TBC1D5: variants seen among roughly 807,000 people sequenced by gnomAD.
TBC1D5 encodes TBC1 domain family, member 5.
A neutral mutation model predicts 100.3 loss-of-function variants in TBC1D5; 75 were observed. That is an observed-to-expected ratio of 0.75 (90% CI 0.62 to 0.91). TBC1D5 has a LOEUF of 0.91. TBC1D5 is among the 40% of genes least tolerant of loss of function. TBC1D5 has a pLI of 0.00. For synonymous variants in TBC1D5, 323 were observed against 325.6 expected (o/e 0.99, Z 0.09); for missense variants, 910 against 942.4 (o/e 0.97, Z 0.45).
At chr3:17,336,264 T>C (rs1408397639) in intron 13 of TBC1D5, among the ~76,000 whole-genome samples, 2 of 152,020 alleles carry the variant, frequency 1.3e-5, no homozygotes, top group Non-Finnish European at 2.9e-5. Context: ...GCAAAAAATA[T>C]GGCCTAGAAA....
At chr3:17,379,814 C>T (rs2092860736) in intron 9 of TBC1D5, among the ~76,000 whole-genome samples, 2 of 151,856 alleles carry the variant, frequency 1.3e-5, no homozygotes, top group Admixed American at 6.6e-5. Context: ...AGATTAACAA[C>T]AATTAATAAG....
chr3:17,574,245 A>G (rs9823767), intron 2 of TBC1D5, among the ~76,000 whole-genome samples: 76,602 of 151,684 alleles, frequency 0.51, 21,000 homozygotes, highest in African/African-American at 0.7. Context: ...TGGTATTTAA[A>G]GTCTGCTCCT....
intron 2 of TBC1D5, among the ~76,000 whole-genome samples, chr3:17,544,008 T>C (rs995473325): frequency 4.0e-5 from 6 of 151,836 alleles, no homozygotes; most frequent in African/African-American, 9.7e-5. Flanking sequence ...GCTAAGACTA[T>C]AGGCACGCAC....
At chr3:17,258,772 A>C (rs2149434348) in intron 15 of TBC1D5, among the ~76,000 whole-genome samples, 181 bp from the exon 16 acceptor site, 2 of 152,188 alleles carry the variant, frequency 1.3e-5, no homozygotes, top group East Asian at 3.9e-4. Context: ...TTAAACACAA[A>C]AATTATTTAT....
At chr3:17,602,881 C>CA (rs928430203) in intron 2 of TBC1D5, among the ~76,000 whole-genome samples, 3 of 152,000 alleles carry the variant, frequency 2.0e-5, no homozygotes, top group African/African-American at 7.2e-5. Flanking sequence ...GGCCGACAAT[C>CA]AGATTTTTTA....
At position 17,608,219 on chromosome 3, in the gene TBC1D5, T is replaced by C. The variant is rs150613761; in HGVS notation, c.-36+15630A>G. The stretch of plus-strand genomic sequence containing the variant: ...TTGTGGTGAGCCGAGTTCTTGCCAC[T>C]GCACTCCAGCCCAGACAACAGAGCG... On this transcript the variant is annotated intron_variant, in intron 2 of 21. Transcript: ENST00000253692. 1.7e-3 allele frequency among the ~76,000 whole-genome samples: 261 copies of C among 152,258 alleles called. 3 individuals carry two copies. The highest frequency in any genetic ancestry group is 5.9e-3 in the African/African-American group (247 of 41,548).
chr3:17,414,817 A>G (rs938071414), intron 4 of TBC1D5, among the ~76,000 whole-genome samples: 1 of 152,160 alleles, frequency 6.6e-6, no homozygotes, highest in Admixed American at 6.5e-5. Flanking sequence ...CTTTTATTTA[A>G]AGCTTTTTTC....
intron 2 of TBC1D5, among the ~76,000 whole-genome samples, chr3:17,593,827 A>G (rs755114490): frequency 3.3e-5 from 5 of 152,224 alleles, no homozygotes; most frequent in African/African-American, 4.8e-5. Context: ...AACGCCAACT[A>G]GGTGACAATA....
chr3:17,161,071 A>T, exon 22 of TBC1D5: 1 of 1,614,178 alleles, frequency 6.2e-7, no homozygotes, highest in East Asian at 2.2e-5. Context: ...CCATCAGTGG[A>T]TCTGAGAACA....
chr3:17,278,064 T>G (rs2080208322), intron 15 of TBC1D5, among the ~76,000 whole-genome samples: 1 of 152,176 alleles, frequency 6.6e-6, no homozygotes, highest in Non-Finnish European at 1.5e-5. Flanking sequence ...ACAACTAGGA[T>G]GTGATAGGTA....
intron 3 of TBC1D5, among the ~76,000 whole-genome samples, chr3:17,502,455 G>A (rs1299801345): frequency 9.4e-5 from 14 of 149,008 alleles, no homozygotes; most frequent in Admixed American, 9.3e-4. Context: ...AGTCTCCTCT[G>A]CGGGATCCTC....
intron 2 of TBC1D5, among the ~76,000 whole-genome samples, chr3:17,609,909 T>G (rs1267742059): frequency 6.6e-6 from 1 of 152,212 alleles, no homozygotes; most frequent in African/African-American, 2.4e-5. Flanking sequence ...TACCACCAAC[T>G]TATACTCAGT....
chr3:17,372,359 A>G (rs2092509974), intron 12 of TBC1D5, 112 bp from the exon 13 acceptor site: 12 of 961,642 alleles, frequency 1.2e-5, no homozygotes, highest in Non-Finnish European at 1.7e-5. Flanking sequence ...TCTGCCTACT[A>G]CTCATTCTTA....
chr3:17,318,390 TA>T (rs1466720546), intron 13 of TBC1D5, among the ~76,000 whole-genome samples: 2 of 151,124 alleles, frequency 1.3e-5, no homozygotes, highest in African/African-American at 2.4e-5. Context: ...CAATAAAATT[TA>T]AAAAAAAAGT....
intron 2 of TBC1D5, among the ~76,000 whole-genome samples, chr3:17,532,665 G>A (rs1411765187): frequency 1.3e-5 from 2 of 152,236 alleles, no homozygotes; most frequent in East Asian, 3.9e-4. Context: ...CATAAAAAAG[G>A]ATGAGTTCAT....
chr3:17,584,733 T>A (rs1183551532), intron 2 of TBC1D5, among the ~76,000 whole-genome samples: 1 of 152,238 alleles, frequency 6.6e-6, no homozygotes, highest in Non-Finnish European at 1.5e-5. Context: ...CTCGGCTCAC[T>A]GCAACCTCCA....
chr3:17,587,367 T>C (rs2153553728), intron 2 of TBC1D5, among the ~76,000 whole-genome samples: 1 of 152,074 alleles, frequency 6.6e-6, no homozygotes, highest in East Asian at 1.9e-4. Context: ...AGCACACATA[T>C]AAAAAGATAG....
intron 1 of TBC1D5, among the ~76,000 whole-genome samples, chr3:17,708,951 G>A (rs1160402218): frequency 6.6e-6 from 1 of 152,084 alleles, no homozygotes; most frequent in Admixed American, 6.6e-5. Context: ...CCACTTCTAA[G>A]CAATTATAAG....
chr3:17,694,816 T>G (rs911702421), intron 1 of TBC1D5, among the ~76,000 whole-genome samples: 10 of 151,960 alleles, frequency 6.6e-5, no homozygotes, highest in African/African-American at 2.4e-4. Flanking sequence ...AAGGTTGAAA[T>G]GAAGGAAAAA....
Sources: gnomAD v4.1 joint callset for allele counts (sites outside exome capture counted in the v4.1 genomes callset) on GRCh38, gnomAD v4.1.1 for gene constraint, MANE v1.5 for transcripts, NCBI Gene and HGNC (gene_info 2026-07-23, HGNC 2026-07-21) for gene names.